KALRN: variants seen among roughly 807,000 people sequenced by gnomAD.
The protein encoded by KALRN is kalirin RhoGEF kinase.
Under a neutral mutation model 353.7 loss-of-function variants are expected in KALRN, and 70 were observed. That is an observed-to-expected ratio of 0.20 (90% CI 0.16 to 0.24). The LOEUF is 0.24. Among genes scored for constraint, KALRN ranks in the 10% least tolerant of loss-of-function variants. The pLI is 1.00. For missense variants in KALRN, 2,791 were observed against 3,756.7 expected (o/e 0.74, Z 6.72); for synonymous variants, 1,391 against 1,434.8 (o/e 0.97, Z 0.69).
At chr3:124,632,166 C>T (rs990136014) in intron 34 of KALRN, among the ~76,000 whole-genome samples, 8 of 152,182 alleles carry the variant, frequency 5.3e-5, no homozygotes, top group Non-Finnish European at 1.2e-4. Flanking sequence ...ATGTAAACTC[C>T]GCGAAGGCAG....
At chr3:124,653,704 C>G (rs2083670222) in intron 38 of KALRN, among the ~76,000 whole-genome samples, 1 of 152,188 alleles carries the variant, frequency 6.6e-6, no homozygotes, top group Non-Finnish European at 1.5e-5. Context: ...CATTCCCTAT[C>G]CCTGTGAAAG....
intron 34 of KALRN, among the ~76,000 whole-genome samples, chr3:124,596,185 G>GA (rs5852417): frequency 0.25 from 34,274 of 135,994 alleles, 4,147 homozygotes; most frequent in East Asian, 0.33. Context: ...CCATCTTAAA[G>GA]AAAAAAAAAA....
intron 3 of KALRN, among the ~76,000 whole-genome samples, chr3:124,259,714 G>A (rs2072567200): frequency 6.6e-6 from 1 of 152,154 alleles, no homozygotes; most frequent in African/African-American, 2.4e-5. Context: ...AAAACTTCCT[G>A]CCCTTACTGA....
At position 124,717,227 on chromosome 3, in the gene KALRN, CTT is replaced by C; in HGVS notation, c.8277-18_8277-17del. On this transcript the variant is annotated intron_variant, in intron 58 of 59. Transcript: ENST00000682506. ...TTCATTTCAAACATATTTCCTTTGC[CTT>C]TCCCTGCCTACTTTCAGGATGGATG... The C allele has an allele frequency of 6.3e-7, 1 of 1,574,970 alleles. No homozygotes were observed. Among genetic ancestry groups the C allele is most frequent in the Non-Finnish European group, 8.6e-7 (1 of 1,161,406 alleles).
At chr3:124,694,560 G>C (rs2061966707) in intron 53 of KALRN, 57 bp downstream of exon 53, 1 of 1,541,308 alleles carries the variant, frequency 6.5e-7, no homozygotes, top group Admixed American at 1.7e-5. Flanking sequence ...ACAGCACTGA[G>C]AGGCTGAATC....
chr3:124,578,660 T>C (rs1419915508), intron 34 of KALRN, among the ~76,000 whole-genome samples: 1 of 151,968 alleles, frequency 6.6e-6, no homozygotes, highest in African/African-American at 2.4e-5. Context: ...TCCCAGGTAC[T>C]CGGGAGGCTG....
At position 124,166,278 on chromosome 3, in the gene KALRN, G is replaced by A. The variant is rs142298337; in HGVS notation, c.74-61712G>A. On this transcript the variant is annotated intron_variant, in intron 1 of 59. Coordinates refer to ENST00000682506, the MANE Select transcript of KALRN (RefSeq NM_001388419.1). ...GGAATGTAAGTTTTATGAAGATAGC[G>A]ACTTTGTTTAGTGGGGGCTTAACAA... is the stretch of plus-strand genomic sequence containing the variant. 4.1e-4 allele frequency among the ~76,000 whole-genome samples: 62 copies of A among 152,212 alleles called. 1 individual carries two copies. The East Asian group carries it at 0.01, about 25-fold the overall frequency.
intron 1 of KALRN, among the ~76,000 whole-genome samples, chr3:124,215,290 T>G (rs950553275): frequency 1.2e-4 from 18 of 152,232 alleles, no homozygotes; most frequent in African/African-American, 4.1e-4. Context: ...CCAGATTGGG[T>G]AGCAGAGGGA....
Position 124,556,813 on chromosome 3 carries a change from T to G in KALRN, c.4936-6030T>G, listed in dbSNP as rs563215591. 2.0e-5 allele frequency among the ~76,000 whole-genome samples: 3 copies of G among 152,306 alleles called. No individual in the cohort carries two copies. In the East Asian group the frequency reaches 5.8e-4, roughly 29 times the overall value. On this transcript the variant is annotated intron_variant, in intron 33 of 59. Transcript: ENST00000682506. ...AAGCCAGAGGGAAAATTACCCAGAG[T>G]GCACCACCCAACAATACCAGTGTTA...
chr3:124,673,230 TAA>T (rs11318691), intron 48 of KALRN, among the ~76,000 whole-genome samples: 92,335 of 148,182 alleles, frequency 0.62, 29,538 homozygotes, highest in African/African-American at 0.8. Flanking sequence ...AATAAAACTT[TAA>T]AAAAAAAAAA....
chr3:124,696,148 T>C lies in KALRN; in HGVS notation c.7592T>C (p.Ile2531Thr), dbSNP rs781718965. The change falls in exon 54 of 60, where the codon ATC becomes ACC. Residue 2531 changes from isoleucine (I) to threonine (T), a missense_variant. Transcript: ENST00000682506. ...GGTGTCCCTAGTGATTCTGGAGAAATCACCCTGAAGATCTGTAATCTGATG... is the reference window on the plus strand; with the variant it reads ...GGTGTCCCTAGTGATTCTGGAGAAACCACCCTGAAGATCTGTAATCTGATG... ...YTVSSCDSGE[I>T]TLKICNLMPQ... 79 of 1,613,984 alleles carry C rather than the reference T, an allele frequency of 4.9e-5. No homozygotes were observed. The highest frequency in any genetic ancestry group is 6.4e-5 in the Non-Finnish European group (76 of 1,179,898).
At chr3:124,567,936 C>T (rs750702732) in intron 34 of KALRN, among the ~76,000 whole-genome samples, 8 of 152,034 alleles carry the variant, frequency 5.3e-5, no homozygotes, top group Non-Finnish European at 1.2e-4. Flanking sequence ...GTTCACGCCA[C>T]TGCACTCCAG....
rs527738030 is a variant in KALRN, at chr3:124,625,545, A to G, written c.5183-6875A>G. Among the ~76,000 whole-genome samples, 7 of 151,072 alleles carry G rather than the reference A, an allele frequency of 4.6e-5. No individual in the cohort carries two copies. The South Asian group carries it at 1.3e-3, about 27-fold the overall frequency. On this transcript the variant is annotated intron_variant, in intron 34 of 59. Transcript: ENST00000682506. ...AAACCAGCCCGGACAACATCATGAG[A>G]CCCCATCTCTATCTTCTTCCAAAAA...
At chr3:124,223,857 G>T (rs2078192938) in intron 1 of KALRN, among the ~76,000 whole-genome samples, 1 of 152,232 alleles carries the variant, frequency 6.6e-6, no homozygotes, top group South Asian at 2.1e-4. Context: ...ATGATGACTA[G>T]AAGCAATGTA....
chr3:124,601,334 T>C (rs2076788251), intron 34 of KALRN, among the ~76,000 whole-genome samples: 1 of 152,242 alleles, frequency 6.6e-6, no homozygotes, highest in Non-Finnish European at 1.5e-5. Context: ...ACTTATAGGG[T>C]AATAGCTTTA....
intron 15 of KALRN, among the ~76,000 whole-genome samples, chr3:124,423,182 G>A (rs1195826812): frequency 2.0e-5 from 3 of 152,208 alleles, no homozygotes; most frequent in African/African-American, 7.2e-5. Flanking sequence ...GTGATACAAT[G>A]GCTCAAACAA....
chr3:124,519,274 T>G, intron 33 of KALRN: 1 of 960,728 alleles, frequency 1.0e-6, no homozygotes, highest in African/African-American at 1.8e-5. Flanking sequence ...TACGTGGACA[T>G]TCATTATACC....
chr3:124,250,347 G>A (rs2070960403), intron 3 of KALRN, among the ~76,000 whole-genome samples: 1 of 152,196 alleles, frequency 6.6e-6, no homozygotes, highest in South Asian at 2.1e-4. Flanking sequence ...AGAGGTGGGG[G>A]TGTGACAAGA....
chr3:124,237,771 A>G (rs961788450), intron 3 of KALRN, among the ~76,000 whole-genome samples: 2 of 152,170 alleles, frequency 1.3e-5, no homozygotes, highest in Non-Finnish European at 2.9e-5. Flanking sequence ...AGGAACACAC[A>G]TTTTGAGAAA....
Sources: gnomAD v4.1 joint callset for allele counts (sites outside exome capture counted in the v4.1 genomes callset) on GRCh38, gnomAD v4.1.1 for gene constraint, MANE v1.5 for transcripts, NCBI Gene and HGNC (gene_info 2026-07-23, HGNC 2026-07-21) for gene names.